Variants in FNDC7 observed in about 807,000 individuals in gnomAD.
FNDC7 encodes the protein fibronectin type III domain containing 7.
A neutral mutation model predicts 74.2 loss-of-function variants in FNDC7; 66 were observed. The observed-to-expected ratio is 0.89, with a 90% confidence interval of 0.73 to 1.09. FNDC7 has a LOEUF of 1.09. FNDC7 is among the 50% of genes least tolerant of loss of function. FNDC7 has a pLI of 0.00. For synonymous variants in FNDC7, 307 were observed against 330.2 expected (o/e 0.93, Z 0.76); for missense variants, 829 against 893.4 (o/e 0.93, Z 0.92).
Position 108,741,787 on chromosome 1 carries a change from A to G in FNDC7, c.2185A>G (p.Lys729Glu). Residue 729 changes from lysine (K) to glutamate (E), a missense_variant, in exon 12 of 13, where the codon AAG (lysine) becomes GAG (glutamate). By Grantham distance (56) the Lys-to-Glu change is moderately conservative. Transcript: ENST00000370017. ...STLGMVIYRG[K>E]RNEE ...ACCCTTTTCAGTGATTTATAGAGGGAAGAGAAATGAAGAATGACAAAGTGA... is the reference window on the plus strand; with the variant it reads ...ACCCTTTTCAGTGATTTATAGAGGGGAGAGAAATGAAGAATGACAAAGTGA... 2 of 1,613,872 alleles carry G rather than the reference A, an allele frequency of 1.2e-6. No homozygotes were observed. Among genetic ancestry groups the G allele is most frequent in the Non-Finnish European group, 1.7e-6 (2 of 1,179,944 alleles).
rs892236074 is a variant in FNDC7, at chr1:108,712,973, T to C, written c.40T>C (p.Phe14Leu). 1 of 1,551,700 alleles carries C rather than the reference T, an allele frequency of 6.4e-7. No individual in the cohort carries two copies. The highest frequency in any genetic ancestry group is 2.4e-5 in the East Asian group (1 of 40,922). ...GRETCLPLIG[F>L]ILICLKMVAS... ...AGAGACATGTTTGCCTTTGATTGGA[T>C]TCATTCTTATCTGTCTTAAAATGGT... The change falls in exon 1 of 13, where the codon TTC becomes CTC. Residue 14 changes from phenylalanine (F) to leucine (L), a missense_variant. Phe to Leu is a conservative substitution (Grantham distance 22, BLOSUM62 0). Coordinates refer to ENST00000370017, the MANE Select transcript of FNDC7 (RefSeq NM_001144937.3).
Position 108,741,943 on chromosome 1 carries a change from T to C in FNDC7, c.*56T>C. 2 of 827,910 alleles carry C rather than the reference T, an allele frequency of 2.4e-6. No individual in the cohort carries two copies. Among genetic ancestry groups the C allele is most frequent in the Non-Finnish European group, 3.9e-6 (2 of 512,596 alleles). 51.3% of individuals were successfully genotyped at this position (827,910 alleles called of 1,614,324 possible). On this transcript the variant is annotated 3_prime_UTR_variant, in exon 13 of 13. Transcript: ENST00000370017. Reference sequence around the variant, plus strand: ...CTTGCAGAGTTGTCTCATTTGTTAGTGATTAGAGATGGAAAAGATCTACTA... The same window carrying C: ...CTTGCAGAGTTGTCTCATTTGTTAGCGATTAGAGATGGAAAAGATCTACTA...
chr1:108,731,774 A>G (rs969916527), intron 9 of FNDC7, among the ~76,000 whole-genome samples: 1 of 152,234 alleles, frequency 6.6e-6, no homozygotes, highest in African/African-American at 2.4e-5. Context: ...GAATCAAAAT[A>G]AATCATAATG....
Position 108,726,403 on chromosome 1 carries a change from C to G in FNDC7, c.1111+399C>G, listed in dbSNP as rs2101082889. 2.0e-5 allele frequency among the ~76,000 whole-genome samples: 3 copies of G among 152,328 alleles called. No homozygotes were observed. In the East Asian group the frequency reaches 5.8e-4, roughly 29 times the overall value. On this transcript the variant is annotated intron_variant, in intron 6 of 12. Coordinates refer to ENST00000370017, the MANE Select transcript of FNDC7 (RefSeq NM_001144937.3). ...CCAAGACGCTACATGGTGTGGAGGGCTTTGGAGTAGGACACCTGGGTTTAC... is the reference window on the plus strand; with the variant it reads ...CCAAGACGCTACATGGTGTGGAGGGGTTTGGAGTAGGACACCTGGGTTTAC...
intron 2 of FNDC7, among the ~76,000 whole-genome samples, chr1:108,716,996 T>A (rs957216090): frequency 2.0e-5 from 3 of 152,170 alleles, no homozygotes; most frequent in Admixed American, 1.3e-4. Flanking sequence ...TATCTCCTAC[T>A]CCATACTCCT....
Position 108,718,168 on chromosome 1 carries a change from A to G in FNDC7, c.337+137A>G. The G allele has an allele frequency of 2.5e-6, 3 of 1,179,238 alleles. No individual in the cohort carries two copies. In the East Asian group the frequency reaches 7.7e-5, roughly 30 times the overall value. 73.0% of individuals were successfully genotyped at this position (1,179,238 alleles called of 1,614,324 possible). The stretch of plus-strand genomic sequence containing the variant: ...CAAGGCCCAGAAGTGAAAGCTACCA[A>G]ATGATGCTGTTTGAGAATTCAGCTA... On this transcript the variant is annotated intron_variant, in intron 3 of 12. Transcript: ENST00000370017.
At chr1:108,718,147 GC>G in intron 3 of FNDC7, 116 bp downstream of exon 3, 1 of 1,333,596 alleles carries the variant, frequency 7.5e-7, no homozygotes, top group Non-Finnish European at 1.0e-6. Context: ...ACAATTCAAG[GC>G]CCAGAAGTGA....
At position 108,712,982 on chromosome 1, in the gene FNDC7, A is replaced by G. The variant is rs1214131511; in HGVS notation, c.49A>G (p.Ile17Val). ...TTTGCCTTTGATTGGATTCATTCTT[A>G]TCTGTCTTAAAATGGTGAGTTCATC... ...TCLPLIGFILICLKMVASAKS... is the reference protein window; with the variant it reads ...TCLPLIGFILVCLKMVASAKS... Residue 17 changes from isoleucine to valine, a missense_variant, in exon 1 of 13, where the codon ATC becomes GTC. Ile to Val is a conservative substitution (Grantham distance 29). Transcript: ENST00000370017. The G allele has an allele frequency of 6.4e-7, 1 of 1,551,588 alleles. No individual in the cohort carries two copies. The highest frequency in any genetic ancestry group is 8.7e-7 in the Non-Finnish European group (1 of 1,146,940).
chr1:108,720,339 G>A (rs1428178875), intron 4 of FNDC7, among the ~76,000 whole-genome samples: 1 of 152,232 alleles, frequency 6.6e-6, no homozygotes, highest in African/African-American at 2.4e-5. Context: ...CCAATGGTGA[G>A]TCAGCGTTTC....
chr1:108,737,020 T>A (rs1661532611), intron 10 of FNDC7, among the ~76,000 whole-genome samples: 1 of 136,814 alleles, frequency 7.3e-6, no homozygotes, highest in Non-Finnish European at 1.5e-5. Flanking sequence ...CAGGCTGGAG[T>A]GCAATGGCGC....
In FNDC7 at chr1:108,741,936, T is replaced by C; in HGVS notation, c.*49T>C. ...CATTTGTCTTGCAGAGTTGTCTCAT[T>C]TGTTAGTGATTAGAGATGGAAAAGA... On this transcript the variant is annotated 3_prime_UTR_variant, in exon 13 of 13. Coordinates refer to ENST00000370017, the MANE Select transcript of FNDC7 (RefSeq NM_001144937.3). The C allele has an allele frequency of 1.1e-6, 1 of 888,056 alleles. No individual in the cohort carries two copies. The highest frequency in any genetic ancestry group is 1.8e-6 in the Non-Finnish European group (1 of 559,116). The allele number at this position is 888,056 out of a possible 1,614,324, so 55.0% of individuals were successfully genotyped here. A position where few individuals can be genotyped will look rare whatever the true frequency, so the allele number is the denominator to read the frequency against.
At chr1:108,732,477 A>G (rs951730375) in intron 9 of FNDC7, among the ~76,000 whole-genome samples, 3 of 152,210 alleles carry the variant, frequency 2.0e-5, no homozygotes, top group Non-Finnish European at 2.9e-5. Flanking sequence ...TGGTTCTTCA[A>G]TTAAGGCTGA....
chr1:108,724,845 C>T (rs972810919), intron 5 of FNDC7, among the ~76,000 whole-genome samples: 1 of 151,918 alleles, frequency 6.6e-6, no homozygotes, highest in Non-Finnish European at 1.5e-5. Context: ...CTTTGGGAGG[C>T]TGAGAGGGGA....
chr1:108,728,571 A>G, intron 7 of FNDC7, 61 bp from the exon 8 acceptor site: 1 of 1,599,266 alleles, frequency 6.3e-7, no homozygotes, highest in Non-Finnish European at 8.5e-7. Context: ...GTTTTAGACC[A>G]AATGGCACAT....
At chr1:108,728,939 T>A (rs1661281123) in intron 8 of FNDC7, 53 bp downstream of exon 8, 6 of 1,588,328 alleles carry the variant, frequency 3.8e-6, no homozygotes, top group Non-Finnish European at 5.2e-6. Context: ...CCTTATGGAG[T>A]GTTTCAAGAC....
chr1:108,713,035 G>A lies in FNDC7; in HGVS notation c.63+39G>A, dbSNP rs1185296748. 14 of 1,503,008 alleles carry A rather than the reference G, an allele frequency of 9.3e-6. No individual in the cohort carries two copies. In the Admixed American group the frequency reaches 1.1e-4, roughly 12 times the overall value. The allele number at this position is 1,503,008 out of a possible 1,614,324, so 93.1% of individuals were successfully genotyped here. ...TCCAACTACCCACAACTATTTAGGG[G>A]AAAAAAGAAAGACACATTATTTTTC... On this transcript the variant is annotated intron_variant, in intron 1 of 12. Coordinates refer to ENST00000370017, the MANE Select transcript of FNDC7 (RefSeq NM_001144937.3).
rs371126194 is a variant in FNDC7, at chr1:108,728,781, T to G, written c.1519T>G (p.Cys507Gly). ...TCAGTGCAGCAGCACAGGAGAGTCC[T>G]GCACCATGCGGGGCTTGCCCTGTGG... ...LYQCSSTGES[C>G]TMRGLPCGSV... The change falls in exon 8 of 13, where the codon TGC becomes GGC. Residue 507 changes from cysteine to glycine, a missense_variant. Cys to Gly is a radical substitution (Grantham distance 159). Coordinates refer to ENST00000370017, the MANE Select transcript of FNDC7 (RefSeq NM_001144937.3). The G allele has an allele frequency of 1.2e-6, 2 of 1,614,274 alleles. No individual in the cohort carries two copies. The highest frequency in any genetic ancestry group is 1.7e-6 in the Non-Finnish European group (2 of 1,180,052).
chr1:108,725,448 G>A (rs1165830889), intron 5 of FNDC7, among the ~76,000 whole-genome samples: 1 of 152,196 alleles, frequency 6.6e-6, no homozygotes, highest in Admixed American at 6.5e-5. Flanking sequence ...AAATTTGTAT[G>A]TCTTAAGATG....
Position 108,730,767 on chromosome 1 carries a change from T to A in FNDC7, c.1718T>A (p.Val573Asp). ...WTIGRVAQTH[V>D]AVLESHTGQS... ...ATTGGGAGAGTGGCTCAAACCCATG[T>A]TGCAGTTCTGGAGTCACACACTGGA... Residue 573 changes from valine (V) to aspartate (D), a missense_variant, in exon 9 of 13, where the codon GTT (valine) becomes GAT (aspartate). Val to Asp is a radical substitution (Grantham distance 152). Transcript: ENST00000370017. 6.2e-7 allele frequency: 1 copy of A among 1,614,024 alleles called. No individual in the cohort carries two copies. Among genetic ancestry groups the A allele is most frequent in the Non-Finnish European group, 8.5e-7 (1 of 1,179,940 alleles).
Sources: gnomAD v4.1 joint callset for allele counts (sites outside exome capture counted in the v4.1 genomes callset) on GRCh38, gnomAD v4.1.1 for gene constraint, MANE v1.5 for transcripts, NCBI Gene and HGNC (gene_info 2026-07-23, HGNC 2026-07-21) for gene names.